The following PDLIM1 variants were observed in gnomAD, a reference collection of about 807,000 sequenced individuals.
PDLIM1 encodes PDZ and LIM domain 1, also known as PDZ and LIM domain protein 1.
PDLIM1 carries 25 observed loss-of-function variants against 35.2 expected under a neutral mutation model. That is an observed-to-expected ratio of 0.71 (90% CI 0.52 to 0.99). PDLIM1 has a LOEUF of 0.99. Ranked by LOEUF, PDLIM1 falls within the 50% of genes least tolerant of loss-of-function variation. The pLI is 0.00. For synonymous variants in PDLIM1, 152 were observed against 154.0 expected, an observed-to-expected ratio of 0.99 and a Z score of 0.10; for missense variants, 363 against 415.3, an observed-to-expected ratio of 0.87 and a Z score of 1.09.
chr10:95,282,148 T>C (rs543346757), intron 1 of PDLIM1, among the ~76,000 whole-genome samples: 2 of 152,346 alleles, frequency 1.3e-5, no homozygotes, highest in South Asian at 4.1e-4. Flanking sequence ...TTAAGCATAA[T>C]CTCCGCTGAT....
At chr10:95,264,098 G>A (rs1481245841) in intron 3 of PDLIM1, 35 bp from the exon 4 acceptor site, 2 of 1,565,664 alleles carry the variant, frequency 1.3e-6, no homozygotes. Flanking sequence ...ATCAAGGGGG[G>A]CATCCAATGC....
chr10:95,238,541 C>T, intron 6 of PDLIM1, 27 bp downstream of exon 6: 1 of 1,394,478 alleles, frequency 7.2e-7, no homozygotes, highest in Non-Finnish European at 1.0e-6. Flanking sequence ...GCAGGGTCTG[C>T]AAAGGCTGTG....
At chr10:95,242,961 T>TG (rs2035190835) in intron 5 of PDLIM1, among the ~76,000 whole-genome samples, 1 of 147,778 alleles carries the variant, frequency 6.8e-6, no homozygotes, top group African/African-American at 2.4e-5. Flanking sequence ...TCTTATGCAA[T>TG]GGGCTTTTCA....
At chr10:95,281,317 G>A (rs971191126) in intron 1 of PDLIM1, among the ~76,000 whole-genome samples, 2 of 151,128 alleles carry the variant, frequency 1.3e-5, no homozygotes, top group Non-Finnish European at 2.9e-5. Flanking sequence ...GATGGCTCAT[G>A]CCTATAATCC....
intron 4 of PDLIM1, among the ~76,000 whole-genome samples, chr10:95,257,368 AAC>A (rs2035325254): frequency 6.6e-6 from 1 of 152,296 alleles, no homozygotes; most frequent in African/African-American, 2.4e-5. Context: ...CAAAGGAAAC[AAC>A]AGAGTGAAAA....
intron 3 of PDLIM1, among the ~76,000 whole-genome samples, chr10:95,264,923 T>G (rs45532031): frequency 1.3e-5 from 2 of 149,406 alleles, no homozygotes; most frequent in African/African-American, 4.9e-5. Flanking sequence ...TACTTTTTCT[T>G]TCCCTCCTGC....
At chr10:95,282,399 T>A (rs1212113125) in intron 1 of PDLIM1, among the ~76,000 whole-genome samples, 2 of 152,184 alleles carry the variant, frequency 1.3e-5, no homozygotes, top group South Asian at 4.1e-4. Flanking sequence ...TGTTTTAAAA[T>A]GTTCTTGGTT....
intron 2 of PDLIM1, among the ~76,000 whole-genome samples, chr10:95,269,246 T>C (rs2035441116): frequency 6.6e-6 from 1 of 152,220 alleles, no homozygotes; most frequent in Non-Finnish European, 1.5e-5. Context: ...AATAACCAAC[T>C]TATTTGTGAA....
chr10:95,285,022 C>T lies in PDLIM1; in HGVS notation c.96+5798G>A, dbSNP rs922009230. Among the ~76,000 whole-genome samples, 3 of 152,116 alleles carry T rather than the reference C, an allele frequency of 2.0e-5. No homozygotes were observed. The East Asian group carries it at 5.8e-4, about 29-fold the overall frequency. ...TCGGTTTTGGACTTAGCTTGGCTAC[C>T]GCAAGGTGGAACTGTTCACTGCCTG... On this transcript the variant is annotated intron_variant, in intron 1 of 6. Coordinates refer to ENST00000329399, the MANE Select transcript of PDLIM1 (RefSeq NM_020992.4).
At chr10:95,239,768 C>G (rs2035160794) in intron 5 of PDLIM1, among the ~76,000 whole-genome samples, 3 of 152,106 alleles carry the variant, frequency 2.0e-5, no homozygotes, top group Admixed American at 2.0e-4. Context: ...TGCACTCCAG[C>G]CTGGGCAACA....
chr10:95,286,187 T>C (rs1040547936), intron 1 of PDLIM1, among the ~76,000 whole-genome samples: 1 of 151,996 alleles, frequency 6.6e-6, no homozygotes, highest in African/African-American at 2.4e-5. Flanking sequence ...CGAAACCCCA[T>C]CTCTACTAAA....
intron 4 of PDLIM1, among the ~76,000 whole-genome samples, chr10:95,248,883 T>G (rs568245771): frequency 1.3e-5 from 2 of 152,318 alleles, no homozygotes; most frequent in Non-Finnish European, 1.5e-5. Context: ...CTCCCATGCT[T>G]CATCCAGGTC....
chr10:95,278,523 T>G (rs2035533705), intron 1 of PDLIM1, among the ~76,000 whole-genome samples: 2 of 149,934 alleles, frequency 1.3e-5, no homozygotes, highest in Admixed American at 1.3e-4. Context: ...GGCCTAAAGG[T>G]GGAATCACGG....
intron 2 of PDLIM1, 45 bp from the exon 3 acceptor site, chr10:95,268,907 A>G (rs749185427): frequency 3.7e-6 from 5 of 1,352,632 alleles, no homozygotes; most frequent in South Asian, 2.3e-5. Context: ...TGTAAAATAA[A>G]TAATATATAC....
chr10:95,241,778 AG>A (rs1271437145), intron 5 of PDLIM1, among the ~76,000 whole-genome samples: 4 of 152,142 alleles, frequency 2.6e-5, no homozygotes, highest in Admixed American at 2.6e-4. Context: ...AGCAAGCACC[AG>A]AGTGCCTCTC....
At chr10:95,270,497 C>T (rs1247553700) in intron 2 of PDLIM1, among the ~76,000 whole-genome samples, 1 of 152,094 alleles carries the variant, frequency 6.6e-6, no homozygotes, top group African/African-American at 2.4e-5. Context: ...AGGGTTGAAC[C>T]AAATCACTTC....
At chr10:95,258,910 A>G (rs1415778717) in intron 4 of PDLIM1, among the ~76,000 whole-genome samples, 2 of 152,204 alleles carry the variant, frequency 1.3e-5, no homozygotes, top group African/African-American at 4.8e-5. Context: ...ACCTAAATAA[A>G]TCTCCAGACA....
intron 5 of PDLIM1, among the ~76,000 whole-genome samples, chr10:95,241,097 C>T (rs1029588805): frequency 6.6e-6 from 1 of 152,168 alleles, no homozygotes; most frequent in African/African-American, 2.4e-5. Context: ...AAGAGAGGGT[C>T]ACCCCATGAC....
At chr10:95,286,115 G>A (rs1263970667) in intron 1 of PDLIM1, among the ~76,000 whole-genome samples, 1 of 152,174 alleles carries the variant, frequency 6.6e-6, no homozygotes, top group African/African-American at 2.4e-5. Context: ...CCAGCACTTT[G>A]GGAGGCTAAG....
Sources: gnomAD v4.1 joint callset for allele counts (sites outside exome capture counted in the v4.1 genomes callset) on GRCh38, gnomAD v4.1.1 for gene constraint, MANE v1.5 for transcripts, NCBI Gene and HGNC (gene_info 2026-07-23, HGNC 2026-07-21) for gene names.